The following THSD4 variants were observed in gnomAD, a reference collection of about 807,000 sequenced individuals.
The protein encoded by THSD4 is thrombospondin type-1 domain-containing protein 4.
THSD4 carries 69 observed loss-of-function variants against 119.0 expected under a neutral mutation model. The ratio of observed to expected loss-of-function variants is 0.58; its 90% CI spans 0.48 to 0.71. The LOEUF is 0.71. THSD4 is among the 30% of genes least tolerant of loss of function. The probability of loss-of-function intolerance (pLI) is 0.00; values close to 1 mark genes in which losing one functional copy is unlikely to be tolerated. For missense variants in THSD4, 1,393 were observed against 1,391.1 expected (o/e 1.00, Z -0.02); for synonymous variants, 524 against 540.4 (o/e 0.97, Z 0.42).
At chr15:71,512,925 T>C (rs1409546632) in intron 7 of THSD4, among the ~76,000 whole-genome samples, 1 of 152,184 alleles carries the variant, frequency 6.6e-6, no homozygotes, top group East Asian at 1.9e-4. Context: ...GGAGTTCTTT[T>C]AACTCTAGAA....
At chr15:71,270,341 G>A (rs1024307200) in intron 6 of THSD4, among the ~76,000 whole-genome samples, 3 of 152,164 alleles carry the variant, frequency 2.0e-5, no homozygotes, top group Non-Finnish European at 4.4e-5. Context: ...ACAAAAACAA[G>A]CACTGGAGAA....
intron 15 of THSD4, among the ~76,000 whole-genome samples, chr15:71,759,349 T>A (rs553981200): frequency 6.9e-4 from 105 of 152,326 alleles, no homozygotes; most frequent in African/African-American, 2.0e-3. Context: ...TGACTTCTCA[T>A]GAGTTTTCTG....
At position 71,660,622 on chromosome 15, in the gene THSD4, G is replaced by A. The variant is rs201502743; in HGVS notation, c.1245G>A (p.Ser415=). 172 of 1,614,008 alleles carry A rather than the reference G, an allele frequency of 1.1e-4. No homozygotes were observed. Among genetic ancestry groups the A allele is most frequent in the Admixed American group, 1.5e-4 (9 of 60,000 alleles). ...GGDNTGCQVV[S]GVFKHALTSL... is the part of the protein sequence containing the mutation. Reference sequence around the variant, plus strand: ...ACAACACGGGCTGTCAGGTTGTGTCGGGCGTGTTTAAGCATGCCCTCACCA... The same window carrying A: ...ACAACACGGGCTGTCAGGTTGTGTCAGGCGTGTTTAAGCATGCCCTCACCA... Residue 415 remains serine (S), a synonymous_variant, in exon 8 of 18, where the codon TCG becomes TCA. Transcript: ENST00000261862.
At chr15:71,249,778 C>T (rs1040045151) in intron 5 of THSD4, among the ~76,000 whole-genome samples, 10 of 152,220 alleles carry the variant, frequency 6.6e-5, no homozygotes, top group South Asian at 6.2e-4. Flanking sequence ...GTAGTTCTTA[C>T]GTTCATTCTC....
At chr15:71,468,351 A>T (rs573622282) in intron 7 of THSD4, among the ~76,000 whole-genome samples, 1 of 152,202 alleles carries the variant, frequency 6.6e-6, no homozygotes, top group Non-Finnish European at 1.5e-5. Flanking sequence ...ATGAGAACAG[A>T]ATCATACAGG....
At chr15:71,524,625 CTCTA>C (rs1397136379) in intron 7 of THSD4, among the ~76,000 whole-genome samples, 16 of 104,114 alleles carry the variant, frequency 1.5e-4, no homozygotes, top group Non-Finnish European at 1.6e-4. Flanking sequence ...TGAGACGAGT[CTCTA>C]TCTGTCACCC....
At chr15:71,630,719 T>C (rs1172345000) in intron 7 of THSD4, among the ~76,000 whole-genome samples, 1 of 152,154 alleles carries the variant, frequency 6.6e-6, no homozygotes, top group African/African-American at 2.4e-5. Flanking sequence ...CTCTCCCAGC[T>C]CTGGGGATCC....
In THSD4 at chr15:71,171,864, G is replaced by A. The variant is rs7177215; in HGVS notation, c.99+16932G>A. ...ATGCCATGTTCATGAATTGGAAGAC[G>A]ATCATAAAAGGAAGTATGATATTAT... On this transcript the variant is annotated intron_variant, in intron 3 of 17. Transcript: ENST00000261862. Among the ~76,000 whole-genome samples, 400 of 152,228 alleles carry A rather than the reference G, an allele frequency of 2.6e-3. 3 individuals are homozygous for A. The highest frequency in any genetic ancestry group is 9.3e-3 in the African/African-American group (388 of 41,542).
At chr15:71,770,473 G>A (rs1309372910) in intron 16 of THSD4, among the ~76,000 whole-genome samples, 1 of 151,798 alleles carries the variant, frequency 6.6e-6, no homozygotes, top group Non-Finnish European at 1.5e-5. Flanking sequence ...TAGGCAACAT[G>A]GCGAAACCCC....
rs571010437 is a variant in THSD4, at chr15:71,609,343, T to A, written c.1153-51187T>A. 1.3e-3 allele frequency among the ~76,000 whole-genome samples: 193 copies of A among 152,294 alleles called. 2 individuals carry two copies. The highest frequency in any genetic ancestry group is 4.3e-3 in the African/African-American group (179 of 41,560). The stretch of plus-strand genomic sequence containing the variant: ...AGGGGTCATTTCACTAGGAGTAAAG[T>A]CAAATTTCTCTTAGCTCAGCCCTGT... On this transcript the variant is annotated intron_variant, in intron 7 of 17. Transcript: ENST00000261862.
At chr15:71,675,258 A>T (rs1222355868) in intron 8 of THSD4, among the ~76,000 whole-genome samples, 2 of 152,198 alleles carry the variant, frequency 1.3e-5, no homozygotes, top group Admixed American at 1.3e-4. Flanking sequence ...ATGGCAGAAG[A>T]ATAAAGGACA....
chr15:71,197,462 T>G (rs1323294068), intron 3 of THSD4, among the ~76,000 whole-genome samples: 1 of 152,234 alleles, frequency 6.6e-6, no homozygotes, highest in Non-Finnish European at 1.5e-5. Flanking sequence ...ATGCCTTAAA[T>G]GTGTTTTGAA....
intron 6 of THSD4, among the ~76,000 whole-genome samples, chr15:71,319,840 G>A (rs755859596): frequency 3.3e-5 from 5 of 152,172 alleles, no homozygotes; most frequent in African/African-American, 7.2e-5. Flanking sequence ...ATTAATGACC[G>A]TTTATTTGGC....
chr15:71,334,811 ACTT>A (rs893348329), intron 6 of THSD4, among the ~76,000 whole-genome samples: 1 of 152,202 alleles, frequency 6.6e-6, no homozygotes, highest in Non-Finnish European at 1.5e-5. Context: ...TGTCAGCAGA[ACTT>A]CTTCACTGGA....
chr15:71,111,259 C>T (rs2040302449), upstream of THSD4: 1 of 1,613,974 alleles, frequency 6.2e-7, no homozygotes, highest in Non-Finnish European at 8.5e-7. Context: ...GACTCCCTGA[C>T]ACTTCATGGG....
intron 8 of THSD4, among the ~76,000 whole-genome samples, chr15:71,673,889 T>C (rs2051584737): frequency 6.6e-6 from 1 of 152,168 alleles, no homozygotes; most frequent in Non-Finnish European, 1.5e-5. Context: ...CCCGAGTAGC[T>C]GGGACTACAG....
intron 6 of THSD4, among the ~76,000 whole-genome samples, chr15:71,387,891 G>C (rs1050045049): frequency 6.6e-6 from 1 of 152,076 alleles, no homozygotes; most frequent in Non-Finnish European, 1.5e-5. Context: ...CCCTCCCTTG[G>C]CCAGGGGACC....
Position 71,401,322 on chromosome 15 carries a change from T to C in THSD4, c.1016-10365T>C, listed in dbSNP as rs1463909172. ...GGAGGGACCTCCCATTATTAATAAC[T>C]GCACAGAAGGATTTTGTTTCTAAGA... is the stretch of plus-strand genomic sequence containing the variant. On this transcript the variant is annotated intron_variant, in intron 6 of 17. Transcript: ENST00000261862. Among the ~76,000 whole-genome samples, 3 of 152,234 alleles carry C rather than the reference T, an allele frequency of 2.0e-5. No homozygotes were observed. In the East Asian group the frequency reaches 5.8e-4, roughly 29 times the overall value.
chr15:71,219,747 A>G (rs1365641464), intron 4 of THSD4, among the ~76,000 whole-genome samples: 1 of 152,252 alleles, frequency 6.6e-6, no homozygotes, highest in Non-Finnish European at 1.5e-5. Flanking sequence ...AGAAACTATT[A>G]TTCACATTTT....
Sources: allele counts gnomAD v4.1 joint callset (sites outside exome capture counted in the v4.1 genomes callset), GRCh38; gene constraint gnomAD v4.1.1; transcripts MANE v1.5; gene names NCBI Gene and HGNC (gene_info 2026-07-23, HGNC 2026-07-21).